The following ATRX variants were observed in gnomAD, a reference collection of about 807,000 sequenced individuals.
The protein encoded by ATRX is ATRX chromatin remodeler, also known as chromatin remodeler ATRX.
A neutral mutation model predicts 172.6 loss-of-function variants in ATRX; 12 were observed. That is an observed-to-expected ratio of 0.07 (90% confidence interval 0.04 to 0.11). The LOEUF is 0.11. ATRX is among the 10% of genes least tolerant of loss of function. The probability of loss-of-function intolerance (pLI) is 1.00; values close to 1 mark genes in which losing one functional copy is unlikely to be tolerated. For synonymous variants in ATRX, 674 were observed against 594.7 expected, an observed-to-expected ratio of 1.13 and a Z score of -1.94; for missense variants, 1,368 against 1,767.4, an observed-to-expected ratio of 0.77 and a Z score of 4.05.
intron 34 of ATRX, among the ~76,000 whole-genome samples, chrX:77,513,549 A>G (rs1176576805): frequency 9.1e-6 from 1 of 110,346 alleles, no homozygotes; most frequent in African/African-American, 3.3e-5. Flanking sequence ...TTCCTGGCCC[A>G]CAAGAACTCC....
At chrX:77,650,909 C>T (rs1557116380) in intron 15 of ATRX, among the ~76,000 whole-genome samples, 1 of 111,813 alleles carries the variant, frequency 8.9e-6, no homozygotes. Context: ...TTTTTTAAAA[C>T]TACTATGTGA....
chrX:77,754,562 T>G (rs782286645), intron 1 of ATRX, among the ~76,000 whole-genome samples: 1 of 111,977 alleles, frequency 8.9e-6, no homozygotes, highest in Non-Finnish European at 1.9e-5. Context: ...AGCATTTGAT[T>G]GTCCGTAAAG....
intron 2 of ATRX, among the ~76,000 whole-genome samples, chrX:77,716,018 T>G (rs952661032): frequency 9.2e-6 from 1 of 108,466 alleles, no homozygotes; most frequent in Admixed American, 1.0e-4. Flanking sequence ...GCTTATAATT[T>G]CAGCTACTCA....
chrX:77,620,559 C>T, intron 19 of ATRX, 27 bp from the exon 20 acceptor site: 1 of 1,136,018 alleles, frequency 8.8e-7, no homozygotes, highest in Non-Finnish European at 1.2e-6. Flanking sequence ...AAAAATAACA[C>T]AATTAATATA....
chrX:77,649,053 A>C (rs2069072364), intron 15 of ATRX, among the ~76,000 whole-genome samples: 1 of 110,621 alleles, frequency 9.0e-6, no homozygotes, highest in African/African-American at 3.3e-5. Context: ...TGTCCCAGCT[A>C]CTTGGAAAGC....
chrX:77,563,725 G>A (rs1430316190), intron 28 of ATRX, among the ~76,000 whole-genome samples: 1 of 109,384 alleles, frequency 9.1e-6, no homozygotes. Context: ...GTGTGTGTGT[G>A]TGTGTGTGTG....
At chrX:77,545,014 T>C (rs1192587933) in intron 30 of ATRX, among the ~76,000 whole-genome samples, 2 of 111,388 alleles carry the variant, frequency 1.8e-5, no homozygotes, top group Non-Finnish European at 3.8e-5. Flanking sequence ...AAAAAACACA[T>C]GAAAAAATGC....
chrX:77,759,799 T>C (rs1217714492), intron 1 of ATRX, among the ~76,000 whole-genome samples: 3 of 111,844 alleles, frequency 2.7e-5, no homozygotes, highest in African/African-American at 6.5e-5. Context: ...AACAGACATA[T>C]AATGTAAGGC....
intron 27 of ATRX, among the ~76,000 whole-genome samples, chrX:77,582,680 G>A (rs2065868872): frequency 9.0e-6 from 1 of 111,618 alleles, no homozygotes; most frequent in Non-Finnish European, 1.9e-5. Flanking sequence ...TGTTACAGCA[G>A]AAATTCAAAG....
chrX:77,594,418 T>C (rs1448222688), intron 25 of ATRX: 1 of 112,191 alleles, frequency 8.9e-6, no homozygotes, highest in Non-Finnish European at 1.9e-5. Flanking sequence ...CCACAAACTT[T>C]GACTATGAAA....
chrX:77,710,857 A>G (rs181444301), intron 2 of ATRX, among the ~76,000 whole-genome samples: 3 of 110,140 alleles, frequency 2.7e-5, no homozygotes, highest in African/African-American at 9.9e-5. Context: ...TCCTGTGTTG[A>G]TGAACTATTC....
At chrX:77,661,603 A>G (rs891520166) in intron 12 of ATRX, among the ~76,000 whole-genome samples, 4 of 111,438 alleles carry the variant, frequency 3.6e-5, no homozygotes, top group Non-Finnish European at 7.5e-5. Context: ...GGGTACTAAC[A>G]ACAGTCTTCA....
chrX:77,539,544 G>A (rs1178716991), intron 30 of ATRX, among the ~76,000 whole-genome samples: 2 of 109,489 alleles, frequency 1.8e-5, no homozygotes, highest in Non-Finnish European at 3.8e-5. Flanking sequence ...AATGGAGGGT[G>A]AGAAAATGAA....
rs782426176 is a variant in ATRX at position 77,685,041 on chromosome X, C to T, written c.595-35G>A. On this transcript the variant is annotated intron_variant, in intron 7 of 34. Coordinates refer to ENST00000373344, the MANE Select transcript of ATRX (RefSeq NM_000489.6). ...GAAAAGAGGAAGGGGAAATTTAATT[C>T]GAAATTGATAACATTCATAAAGGAC... The T allele has an allele frequency of 1.0e-5, 11 of 1,060,692 alleles. No homozygotes were observed. The Admixed American group carries it at 1.3e-4, about 13-fold the overall frequency. 87.4% of individuals were successfully genotyped at this position (1,060,692 alleles called of 1,213,427 possible). A position where few individuals can be genotyped will look rare whatever the true frequency, so the allele number is the denominator to read the frequency against.
chrX:77,750,095 A>G (rs188090602), intron 1 of ATRX, among the ~76,000 whole-genome samples: 196 of 111,970 alleles, frequency 1.8e-3, no homozygotes, highest in Non-Finnish European at 2.6e-3. Flanking sequence ...GTACAATAAG[A>G]TATTTTGAAA....
intron 1 of ATRX, among the ~76,000 whole-genome samples, chrX:77,741,891 C>G (rs1359255365): frequency 1.8e-5 from 2 of 111,961 alleles, no homozygotes; most frequent in Non-Finnish European, 3.8e-5. Context: ...TGAAAATCAG[C>G]CCAAATGTTT....
chrX:77,612,358 CT>C (rs2067192343), intron 22 of ATRX, among the ~76,000 whole-genome samples: 1 of 108,069 alleles, frequency 9.3e-6, no homozygotes, highest in African/African-American at 3.4e-5. Flanking sequence ...TAAAAATTTA[CT>C]GTTTTAAATG....
chrX:77,521,051 G>C (rs1320643238), intron 33 of ATRX, 135 bp from the exon 34 acceptor site: 1 of 657,029 alleles, frequency 1.5e-6, no homozygotes, highest in African/African-American at 2.2e-5. Flanking sequence ...AGAAAAACAT[G>C]ATGCAAAACA....
At chrX:77,553,654 GCTT>G (rs1483311243) in intron 30 of ATRX, among the ~76,000 whole-genome samples, 5 of 111,271 alleles carry the variant, frequency 4.5e-5, no homozygotes, top group African/African-American at 1.6e-4. Context: ...TTATGCATGT[GCTT>G]CTTTTTTTCT....
Sources: gnomAD v4.1 joint callset for allele counts (sites outside exome capture counted in the v4.1 genomes callset) on GRCh38, gnomAD v4.1.1 for gene constraint, MANE v1.5 for transcripts, NCBI Gene and HGNC (gene_info 2026-07-23, HGNC 2026-07-21) for gene names.